The following NBAS variants were observed in gnomAD, a reference collection of about 807,000 sequenced individuals.
NBAS encodes NAG/BC035112 fusion.
In NBAS, 219 loss-of-function variants were observed where a neutral mutation model predicts 302.5. The ratio of observed to expected loss-of-function variants is 0.72; its 90% CI spans 0.65 to 0.81. The LOEUF is 0.81. NBAS is among the 30% of genes least tolerant of loss of function. NBAS has a pLI of 0.00. For synonymous variants in NBAS, 1,118 were observed against 1,021.6 expected, an observed-to-expected ratio of 1.09 and a Z score of -1.80; for missense variants, 2,932 against 2,841.6, an observed-to-expected ratio of 1.03 and a Z score of -0.72.
At chr2:14,835,624 G>A in the NBAS span, among the ~76,000 whole-genome samples, 7 of 151,878 alleles carry the variant, frequency 4.6e-5, no homozygotes, top group South Asian at 4.1e-4. Context: ...TTTTATGCCC[G>A]GTGTCTTGTG....
At chr2:14,985,181 C>G in the NBAS span, among the ~76,000 whole-genome samples, 1 of 152,226 alleles carries the variant, frequency 6.6e-6, no homozygotes, top group Non-Finnish European at 1.5e-5. Flanking sequence ...ATTGTTTACA[C>G]AGGGAACGCC....
the NBAS span, among the ~76,000 whole-genome samples, chr2:15,089,363 A>T: frequency 6.6e-6 from 1 of 152,294 alleles, no homozygotes; most frequent in South Asian, 2.1e-4. Flanking sequence ...TAAAATTCAT[A>T]ATCACCCCAA....
At chr2:15,067,795 A>G in the NBAS span, among the ~76,000 whole-genome samples, 1 of 152,180 alleles carries the variant, frequency 6.6e-6, no homozygotes, top group Non-Finnish European at 1.5e-5. Flanking sequence ...GCAATCACAA[A>G]TTTGTTAAGA....
At chr2:14,844,273 C>T in the NBAS span, among the ~76,000 whole-genome samples, 6 of 152,026 alleles carry the variant, frequency 3.9e-5, no homozygotes, top group African/African-American at 1.2e-4. Flanking sequence ...GGCCGTAGCT[C>T]CCAGACAAAA....
chr2:15,528,112 A>G (rs570680280), intron 9 of NBAS, among the ~76,000 whole-genome samples: 13 of 151,862 alleles, frequency 8.6e-5, no homozygotes, highest in Non-Finnish European at 1.6e-4. Context: ...ACCACTTACA[A>G]TTTCCCAAAA....
chr2:15,394,469 A>C (rs1675769656), intron 27 of NBAS, 120 bp from the exon 28 acceptor site: 2 of 1,008,690 alleles, frequency 2.0e-6, no homozygotes, highest in Middle Eastern at 2.8e-4. Context: ...CCATAGTGTA[A>C]TCCAATTTTA....
At chr2:14,945,224 C>G in the NBAS span, among the ~76,000 whole-genome samples, 1 of 152,204 alleles carries the variant, frequency 6.6e-6, no homozygotes, top group Non-Finnish European at 1.5e-5. Flanking sequence ...TTTACTGAAG[C>G]TGAGCCGAAC....
Position 15,368,584 on chromosome 2 carries a change from C to T in NBAS, c.3704-1891G>A, listed in dbSNP as rs140355866. 6.1e-3 allele frequency among the ~76,000 whole-genome samples: 935 copies of T among 152,254 alleles called. 8 individuals carry two copies. The highest frequency in any genetic ancestry group is 0.021 in the African/African-American group (880 of 41,548). On this transcript the variant is annotated intron_variant, in intron 31 of 51. Transcript: ENST00000281513. ...TACTATAAAATATAAAGTAAATATA[C>T]TTACTCTTCAGTTACTTCCTTCAAA... is the stretch of plus-strand genomic sequence containing the variant.
At chr2:15,318,673 A>C (rs978385643) in intron 38 of NBAS, among the ~76,000 whole-genome samples, 1 of 152,204 alleles carries the variant, frequency 6.6e-6, no homozygotes, top group African/African-American at 2.4e-5. Flanking sequence ...ATAATGGTAA[A>C]GGGATCAATT....
At chr2:14,803,492 C>A in the NBAS span, among the ~76,000 whole-genome samples, 255 of 152,302 alleles carry the variant, frequency 1.7e-3, no homozygotes, top group African/African-American at 5.7e-3. Flanking sequence ...TCTCTCTGTA[C>A]TGCATTTTGG....
At chr2:15,472,205 G>A (rs185828019) in intron 16 of NBAS, among the ~76,000 whole-genome samples, 3 of 152,294 alleles carry the variant, frequency 2.0e-5, no homozygotes, top group Non-Finnish European at 4.4e-5. Context: ...CAAAGGAAGA[G>A]GCTCTGCTTT....
intron 11 of NBAS, among the ~76,000 whole-genome samples, chr2:15,491,732 T>A (rs1469467110): frequency 4.0e-5 from 6 of 148,594 alleles, no homozygotes; most frequent in African/African-American, 1.5e-4. Flanking sequence ...TGAGACTCCA[T>A]CTCAAAAAAG....
rs201739655 is a variant in NBAS, at chr2:15,319,417, T to TA, written c.4582+8332dup. Among the ~76,000 whole-genome samples the TA allele has an allele frequency of 7.5e-3, 1,130 of 151,320 alleles. 48 individuals are homozygous for TA. Among genetic ancestry groups the TA allele is most frequent in the Admixed American group, 0.06 (919 of 15,202 alleles). Reference sequence around the variant, plus strand: ...AAGATCAGAGCAGAACTGAAGGAGATAGAGACACAAAAAACCATTCAAAAA... The same window carrying TA: ...AAGATCAGAGCAGAACTGAAGGAGATAAGAGACACAAAAAACCATTCAAAAA... On this transcript the variant is annotated intron_variant, in intron 38 of 51. Transcript: ENST00000281513.
the NBAS span, among the ~76,000 whole-genome samples, chr2:15,073,336 G>A: frequency 6.6e-6 from 1 of 151,886 alleles, no homozygotes; most frequent in East Asian, 1.9e-4. Flanking sequence ...AAAATTAGCT[G>A]GGCGTGGTGG....
intron 21 of NBAS, among the ~76,000 whole-genome samples, chr2:15,444,348 C>T (rs1678609184): frequency 6.6e-6 from 1 of 152,102 alleles, no homozygotes; most frequent in African/African-American, 2.4e-5. Flanking sequence ...GAAATAACGT[C>T]GCATATCTAC....
At chr2:15,178,058 T>C (rs969087760) in intron 51 of NBAS, 3 of 436,456 alleles carry the variant, frequency 6.9e-6, no homozygotes, top group African/African-American at 4.1e-5. Flanking sequence ...GAAAACTTTA[T>C]ATCAGTGATG....
At chr2:15,128,520 G>C in the NBAS span, among the ~76,000 whole-genome samples, 1 of 152,198 alleles carries the variant, frequency 6.6e-6, no homozygotes. Context: ...TCTGAGAAGA[G>C]ATGAGACACA....
intron 21 of NBAS, among the ~76,000 whole-genome samples, chr2:15,441,731 G>A (rs1678419649): frequency 6.6e-6 from 1 of 152,066 alleles, no homozygotes; most frequent in Non-Finnish European, 1.5e-5. Context: ...AAAGAGTCAA[G>A]ACTCATCAGT....
At chr2:15,204,211 A>G (rs575272566) in intron 48 of NBAS, among the ~76,000 whole-genome samples, 158 of 152,178 alleles carry the variant, frequency 1.0e-3, no homozygotes, top group African/African-American at 3.6e-3. Flanking sequence ...GCGAGCCACA[A>G]TTGGTCAACT....
Sources: allele counts gnomAD v4.1 joint callset (sites outside exome capture counted in the v4.1 genomes callset), GRCh38; gene constraint gnomAD v4.1.1; transcripts MANE v1.5; gene names NCBI Gene and HGNC (gene_info 2026-07-23, HGNC 2026-07-21).